Variants in AGAP1 observed in about 807,000 individuals in gnomAD.
AGAP1 encodes arf-GAP with GTPase, ANK repeat and PH domain-containing protein 1.
In AGAP1, 29 loss-of-function variants were observed where a neutral mutation model predicts 105.3. The ratio of observed to expected loss-of-function variants is 0.28; its 90% CI spans 0.21 to 0.38. AGAP1 has a LOEUF of 0.38. Among genes scored for constraint, AGAP1 ranks in the 10% least tolerant of loss-of-function variants. The pLI, the probability that AGAP1 is intolerant of heterozygous loss-of-function variation, is 1.00. For missense variants in AGAP1, 998 were observed against 1,165.1 expected (o/e 0.86, Z 2.09); for synonymous variants, 509 against 485.9 (o/e 1.05, Z -0.63).
intron 6 of AGAP1, among the ~76,000 whole-genome samples, chr2:235,761,727 T>C (rs551655212): frequency 6.6e-6 from 1 of 152,342 alleles, no homozygotes; most frequent in East Asian, 1.9e-4. Flanking sequence ...GAATATTACT[T>C]AACTAGGATA....
intron 1 of AGAP1, among the ~76,000 whole-genome samples, chr2:235,598,753 C>T (rs139990799): frequency 6.6e-6 from 1 of 152,100 alleles, no homozygotes; most frequent in African/African-American, 2.4e-5. Context: ...CATGGTGGCC[C>T]AGGGCTGTGT....
Position 235,638,160 on chromosome 2 carries a change from G to C in AGAP1, c.164-71019G>C, listed in dbSNP as rs896357551. ...ATAACAGGTGTGGGTAGACAGTCAG[G>C]AGAGCAAGACTCTAGTTGGTTCTGT... On this transcript the variant is annotated intron_variant, in intron 1 of 17. Coordinates refer to ENST00000304032, the MANE Select transcript of AGAP1 (RefSeq NM_001037131.3). Among the ~76,000 whole-genome samples the C allele has an allele frequency of 1.1e-4, 16 of 152,328 alleles. 1 individual carries two copies. The highest frequency in any genetic ancestry group is 1.0e-3 in the Admixed American group (16 of 15,296).
chr2:236,100,048 A>T (rs1033095702), intron 16 of AGAP1, among the ~76,000 whole-genome samples: 1 of 152,134 alleles, frequency 6.6e-6, no homozygotes, highest in Non-Finnish European at 1.5e-5. Flanking sequence ...TCAAAAAACA[A>T]TAAAAAAGAA....
intron 13 of AGAP1, among the ~76,000 whole-genome samples, chr2:236,031,664 G>T (rs1434149738): frequency 6.6e-6 from 1 of 152,140 alleles, no homozygotes; most frequent in Non-Finnish European, 1.5e-5. Flanking sequence ...GAACCCACAA[G>T]CCCCATCTCT....
rs920874174 is a variant in AGAP1, at chr2:236,056,355, T to A, written c.2114+7074T>A. Among the ~76,000 whole-genome samples the A allele has an allele frequency of 6.6e-6, 1 of 152,180 alleles. No individual in the cohort carries two copies. Among genetic ancestry groups the A allele is most frequent in the South Asian group, 2.1e-4 (1 of 4,828 alleles). On this transcript the variant is annotated intron_variant, in intron 16 of 17. Coordinates refer to ENST00000304032, the MANE Select transcript of AGAP1 (RefSeq NM_001037131.3). This position sits in a 1 kb window ranked among gnomAD's most constrained non-coding sequence, Gnocchi z 4.6. ...AGCTGTCTAGGGTTGAAAATCCTTA[T>A]CATTTACGTTCTGAAATACGGCCGT...
intron 1 of AGAP1, among the ~76,000 whole-genome samples, chr2:235,584,924 T>TTTTA (rs386392958): frequency 6.7e-6 from 1 of 150,112 alleles, no homozygotes; most frequent in East Asian, 2.0e-4. Flanking sequence ...TTTTTTTTTT[T>TTTTA]TAAAGAAAAC....
rs767994679 is a variant in AGAP1, at chr2:235,549,637, TA to T, written c.163+54790del. On this transcript the variant is annotated intron_variant, in intron 1 of 17. Transcript: ENST00000304032. The surrounding 1 kb of genome is among the most constrained non-coding windows in gnomAD (Gnocchi z 4.2). The stretch of plus-strand genomic sequence containing the variant: ...TTCTTTAAAACTCCTTGGCACCATC[TA>T]ATTTTTTAAAAATGAGCCTAATACT... Among the ~76,000 whole-genome samples, 1 of 152,212 alleles carries T rather than the reference TA, an allele frequency of 6.6e-6. No homozygotes were observed. Among genetic ancestry groups the T allele is most frequent in the Non-Finnish European group, 1.5e-5 (1 of 68,040 alleles).
chr2:235,772,700 A>G (rs1287805844), intron 6 of AGAP1, among the ~76,000 whole-genome samples: 1 of 152,236 alleles, frequency 6.6e-6, no homozygotes, highest in Non-Finnish European at 1.5e-5. Context: ...GACACTGAAC[A>G]CAAGGCAGAG....
At chr2:235,522,201 G>A (rs1163711484) in intron 1 of AGAP1, among the ~76,000 whole-genome samples, 1 of 152,128 alleles carries the variant, frequency 6.6e-6, no homozygotes, top group East Asian at 1.9e-4. Flanking sequence ...GCCCGACCTG[G>A]GCCAGGCTCT....
At position 236,104,616 on chromosome 2, in the gene AGAP1, C is replaced by G. The variant is rs914684305; in HGVS notation, c.2115-15576C>G. ...CAAAGACAAGCGTGCACAGGCCAGG[C>G]GCGGTGGCTCATGCCTGTAATGCCA... On this transcript the variant is annotated intron_variant, in intron 16 of 17. Transcript: ENST00000304032. The surrounding 1 kb of genome is among the most constrained non-coding windows in gnomAD (Gnocchi z 4.7). Among the ~76,000 whole-genome samples, 1 of 152,156 alleles carries G rather than the reference C, an allele frequency of 6.6e-6. No homozygotes were observed. Among genetic ancestry groups the G allele is most frequent in the African/African-American group, 2.4e-5 (1 of 41,450 alleles).
At chr2:235,682,719 C>T (rs1425289273) in intron 1 of AGAP1, among the ~76,000 whole-genome samples, 2 of 152,080 alleles carry the variant, frequency 1.3e-5, no homozygotes, top group South Asian at 2.1e-4. Flanking sequence ...AGTTTTCTCA[C>T]CCGAAAAACT....
intron 1 of AGAP1, among the ~76,000 whole-genome samples, chr2:235,695,797 CA>C (rs1949969685): frequency 6.6e-6 from 1 of 152,162 alleles, no homozygotes; most frequent in South Asian, 2.1e-4. Flanking sequence ...GCTCCAAGCC[CA>C]GGGAGCTGAG....
intron 1 of AGAP1, among the ~76,000 whole-genome samples, chr2:235,519,601 G>A (rs1402710214): frequency 1.3e-5 from 2 of 151,988 alleles, no homozygotes; most frequent in Non-Finnish European, 2.9e-5. Flanking sequence ...AGTGAACAAA[G>A]GCAGAAGAAA....
chr2:235,792,511 G>A lies in AGAP1; in HGVS notation c.674-5248G>A, dbSNP rs555917313. On this transcript the variant is annotated intron_variant, in intron 6 of 17. Coordinates refer to ENST00000304032, the MANE Select transcript of AGAP1 (RefSeq NM_001037131.3). This position sits in a 1 kb window ranked among gnomAD's most constrained non-coding sequence, Gnocchi z 5.3. ...GATTTGCCTTTGAGGTCGCCCTGTG[G>A]TGTGTTAGGGGCATTTAGGGGACAG... Among the ~76,000 whole-genome samples the A allele has an allele frequency of 2.0e-5, 3 of 152,324 alleles. No individual in the cohort carries two copies. In the East Asian group the frequency reaches 5.8e-4, roughly 29 times the overall value.
rs142337073 is a variant in AGAP1 at position 235,680,965 on chromosome 2, C to T, written c.164-28214C>T. Among the ~76,000 whole-genome samples the T allele has an allele frequency of 7.1e-3, 1,077 of 152,234 alleles. 5 individuals carry two copies. The highest frequency in any genetic ancestry group is 0.02 in the Middle Eastern group (6 of 294). On this transcript the variant is annotated intron_variant, in intron 1 of 17. Transcript: ENST00000304032. ...GCAGCCAGCTGTGTTTTTCCTACTT[C>T]CTCTCAGCTGGGCAGTTTGCTGGCC...
At chr2:236,084,403 C>T (rs2125846084) in intron 16 of AGAP1, among the ~76,000 whole-genome samples, 1 of 152,282 alleles carries the variant, frequency 6.6e-6, no homozygotes, top group South Asian at 2.1e-4. Flanking sequence ...TCGTACTCTA[C>T]TTTTGGAAGT....
chr2:235,686,556 T>TATACACACACACAC (rs550721460), intron 1 of AGAP1, among the ~76,000 whole-genome samples: 4 of 101,824 alleles, frequency 3.9e-5, no homozygotes, highest in African/African-American at 1.2e-4. Context: ...GATATATATA[T>TATACACACACACAC]ACACACACAC....
chr2:236,036,992 CT>C lies in AGAP1; in HGVS notation c.1800+279del, dbSNP rs1340455699. Among the ~76,000 whole-genome samples the C allele has an allele frequency of 1.3e-5, 2 of 152,210 alleles. No individual in the cohort carries two copies. The highest frequency in any genetic ancestry group is 4.8e-5 in the African/African-American group (2 of 41,454). On this transcript the variant is annotated intron_variant, in intron 14 of 17. Transcript: ENST00000304032. The surrounding 1 kb of genome is among the most constrained non-coding windows in gnomAD (Gnocchi z 5.7). ...AATCCCAGAGGGAATCTTTTGGACT[CT>C]TGTGGCTTCTGGGTCCACATTTATT...
At chr2:235,928,218 A>G (rs562518440) in intron 11 of AGAP1, among the ~76,000 whole-genome samples, 2 of 152,292 alleles carry the variant, frequency 1.3e-5, no homozygotes, top group South Asian at 4.1e-4. Context: ...TCTGCTCAGA[A>G]TTCACGTGAT....
Sources: gnomAD v4.1 joint callset for allele counts (sites outside exome capture counted in the v4.1 genomes callset) on GRCh38, gnomAD v4.1.1 for gene constraint, Gnocchi (gnomAD v3.1) non-coding constraint, MANE v1.5 for transcripts, NCBI Gene and HGNC (gene_info 2026-07-23, HGNC 2026-07-21) for gene names.